EXOC4: variants seen among roughly 807,000 people sequenced by gnomAD.
EXOC4 encodes the protein exocyst complex component 4, also known as SEC8-like 1.
A neutral mutation model predicts 107.2 loss-of-function variants in EXOC4; 71 were observed. That is an observed-to-expected ratio of 0.66 (90% CI 0.55 to 0.81). The LOEUF (loss-of-function observed/expected upper bound fraction) is 0.81. EXOC4 is among the 30% of genes least tolerant of loss of function. The probability of loss-of-function intolerance (pLI) is 0.00; values close to 1 mark genes in which losing one functional copy is unlikely to be tolerated. For missense variants in EXOC4, 1,108 were observed against 1,189.6 expected, an observed-to-expected ratio of 0.93 and a Z score of 1.01; for synonymous variants, 456 against 441.2, an observed-to-expected ratio of 1.03 and a Z score of -0.42.
At chr7:133,416,749 G>C (rs1230709812) in intron 7 of EXOC4, among the ~76,000 whole-genome samples, 2 of 152,164 alleles carry the variant, frequency 1.3e-5, no homozygotes, top group African/African-American at 2.4e-5. Flanking sequence ...GGAATGGAGA[G>C]AAAGGGCAAC....
At chr7:133,269,974 A>G (rs1326332004) in intron 1 of EXOC4, among the ~76,000 whole-genome samples, 2 of 152,146 alleles carry the variant, frequency 1.3e-5, no homozygotes, top group Non-Finnish European at 2.9e-5. Context: ...GTCCCCATCC[A>G]CATCTCATCT....
chr7:134,059,853 A>T (rs1054558018), intron 17 of EXOC4, among the ~76,000 whole-genome samples: 8 of 152,210 alleles, frequency 5.3e-5, no homozygotes, highest in Non-Finnish European at 1.0e-4. Context: ...TATATTCTAT[A>T]TGGCATATGT....
At chr7:133,501,383 T>C (rs1342849115) in intron 9 of EXOC4, among the ~76,000 whole-genome samples, 3 of 152,188 alleles carry the variant, frequency 2.0e-5, no homozygotes, top group Non-Finnish European at 1.5e-5. Flanking sequence ...GAAAATGAAG[T>C]TATGTATAGG....
At chr7:133,630,276 A>G in intron 10 of EXOC4, 135 bp downstream of exon 10, 1 of 633,482 alleles carries the variant, frequency 1.6e-6, no homozygotes, top group Non-Finnish European at 2.8e-6. Context: ...GGGCCTCACT[A>G]TTAAAGTTAG....
At chr7:134,073,227 A>AAAAAAAAAAAAAAAAAAAAAAAAAAAAAG in the EXOC4 span, among the ~76,000 whole-genome samples, 2 of 18,114 alleles carry the variant, frequency 1.1e-4, no homozygotes, top group Admixed American at 1.0e-3. Flanking sequence ...AAAAAAAAAA[A>AAAAAAAAAAAAAAAAAAAAAAAAAAAAAG]AAAAACAACA....
chr7:134,017,480 A>T (rs1269621814), intron 17 of EXOC4, among the ~76,000 whole-genome samples: 2 of 152,174 alleles, frequency 1.3e-5, no homozygotes, highest in East Asian at 3.8e-4. Context: ...GATCTGATGG[A>T]CTTTTTAAAG....
At chr7:133,436,639 C>T (rs936132187) in intron 7 of EXOC4, among the ~76,000 whole-genome samples, 2 of 152,084 alleles carry the variant, frequency 1.3e-5, no homozygotes, top group Admixed American at 6.5e-5. Flanking sequence ...ATGAAATAAT[C>T]AGCCTCTTTA....
intron 10 of EXOC4, among the ~76,000 whole-genome samples, chr7:133,644,845 A>C (rs972879299): frequency 2.0e-5 from 3 of 152,132 alleles, no homozygotes; most frequent in African/African-American, 7.2e-5. Context: ...TAGTAAGTGC[A>C]TGAGAAAGAT....
At chr7:134,074,081 G>C in the EXOC4 span, among the ~76,000 whole-genome samples, 5 of 152,210 alleles carry the variant, frequency 3.3e-5, no homozygotes. Context: ...TGGGCACTGT[G>C]AGCTGGATGT....
chr7:133,390,237 A>C (rs545913055), intron 7 of EXOC4, among the ~76,000 whole-genome samples: 1 of 152,184 alleles, frequency 6.6e-6, no homozygotes, highest in Non-Finnish European at 1.5e-5. Context: ...CACTTTCCTT[A>C]AGTAGTTCGT....
intron 9 of EXOC4, among the ~76,000 whole-genome samples, chr7:133,585,627 G>GA (rs1169657119): frequency 0.012 from 1,681 of 141,256 alleles, 26 homozygotes; most frequent in African/African-American, 0.04. Flanking sequence ...CCCTGTCTTA[G>GA]AAAAAAAAAA....
At chr7:133,319,851 T>G (rs1795073012) in intron 5 of EXOC4, among the ~76,000 whole-genome samples, 1 of 151,094 alleles carries the variant, frequency 6.6e-6, no homozygotes, top group Non-Finnish European at 1.5e-5. Flanking sequence ...TTTTTTTTTT[T>G]TTTTTTTTGT....
intron 2 of EXOC4, among the ~76,000 whole-genome samples, chr7:133,283,187 C>T (rs982902279): frequency 8.5e-5 from 13 of 152,124 alleles, no homozygotes; most frequent in African/African-American, 2.9e-4. Flanking sequence ...ACTGTAGCCT[C>T]GACTTACTGA....
intron 7 of EXOC4, among the ~76,000 whole-genome samples, chr7:133,473,926 T>C (rs1160269747): frequency 6.6e-6 from 1 of 152,110 alleles, no homozygotes; most frequent in East Asian, 1.9e-4. Flanking sequence ...GCTCTCGATC[T>C]CCTGACCTCG....
chr7:133,551,520 T>A (rs1800589287), intron 9 of EXOC4: 1 of 152,180 alleles, frequency 6.6e-6, no homozygotes, highest in African/African-American at 2.4e-5. Flanking sequence ...TTTACTGTAG[T>A]CAGTAGTTAA....
the EXOC4 span, among the ~76,000 whole-genome samples, chr7:134,093,410 C>A: frequency 6.6e-6 from 1 of 151,924 alleles, no homozygotes; most frequent in South Asian, 2.1e-4. Flanking sequence ...ATTGAAGCAC[C>A]CAGATTATTA....
rs150406806 is a variant in EXOC4 at position 133,959,144 on chromosome 7, C to T, written c.2206+21075C>T. Among the ~76,000 whole-genome samples the T allele has an allele frequency of 4.8e-4, 73 of 152,224 alleles. No individual in the cohort carries two copies. In the East Asian group the frequency reaches 0.013, roughly 28 times the overall value. Reference sequence around the variant, plus strand: ...CCAGACACAAAACTCCAGTCAGCCCCACTTAAATATGAGCAGACAGCCAAG... The same window carrying T: ...CCAGACACAAAACTCCAGTCAGCCCTACTTAAATATGAGCAGACAGCCAAG... On this transcript the variant is annotated intron_variant, in intron 14 of 17. Coordinates refer to ENST00000253861, the MANE Select transcript of EXOC4 (RefSeq NM_021807.4).
At chr7:133,510,171 C>T (rs1459411395) in intron 9 of EXOC4, among the ~76,000 whole-genome samples, 1 of 152,144 alleles carries the variant, frequency 6.6e-6, no homozygotes, top group African/African-American at 2.4e-5. Context: ...AATCTAATTT[C>T]CTTCTCTATA....
intron 3 of EXOC4, among the ~76,000 whole-genome samples, chr7:133,302,845 G>A (rs1277559727): frequency 6.6e-6 from 1 of 152,030 alleles, no homozygotes; most frequent in Non-Finnish European, 1.5e-5. Flanking sequence ...TTTCATCAGT[G>A]TGTTATTTAA....
Sources: gnomAD v4.1 joint callset for allele counts (sites outside exome capture counted in the v4.1 genomes callset) on GRCh38, gnomAD v4.1.1 for gene constraint, MANE v1.5 for transcripts, NCBI Gene and HGNC (gene_info 2026-07-23, HGNC 2026-07-21) for gene names.